Variants in TRIM44 observed in about 807,000 individuals in gnomAD.
The protein encoded by TRIM44 is tripartite motif-containing protein 44.
TRIM44 carries 13 observed loss-of-function variants against 37.4 expected under a neutral mutation model. The observed-to-expected ratio is 0.35, with a 90% confidence interval of 0.23 to 0.55. The LOEUF is 0.55. Among genes scored for constraint, TRIM44 ranks in the 20% least tolerant of loss-of-function variants. The pLI is 0.89. For missense variants in TRIM44, 426 were observed against 437.2 expected (o/e 0.97, Z 0.23); for synonymous variants, 175 against 157.2 (o/e 1.11, Z -0.85).
chr11:35,687,817 G>A (rs915840234), intron 2 of TRIM44, among the ~76,000 whole-genome samples: 12 of 152,200 alleles, frequency 7.9e-5, no homozygotes, highest in African/African-American at 2.9e-4. Flanking sequence ...TTGGGTGTGT[G>A]TGTATACCTG....
chr11:35,681,942 A>C (rs1409508153), intron 1 of TRIM44, among the ~76,000 whole-genome samples: 1 of 140,606 alleles, frequency 7.1e-6, no homozygotes. Context: ...CCCCTGACCT[A>C]TGTCCCATAC....
rs1481476424 is a variant in TRIM44, at chr11:35,774,662, A to T, written c.1008-31696A>T. 2.6e-5 allele frequency among the ~76,000 whole-genome samples: 4 copies of T among 152,172 alleles called. No homozygotes were observed. The East Asian group carries it at 7.7e-4, about 29-fold the overall frequency. ...TTTTTGTATAAGGTGTAAGGAAGGG[A>T]TCCAGCTTCAGCTTCCTACATATGG... On this transcript the variant is annotated intron_variant, in intron 4 of 4. Transcript: ENST00000299413.
At chr11:35,779,032 C>T (rs1049822857) in intron 4 of TRIM44, among the ~76,000 whole-genome samples, 1 of 152,230 alleles carries the variant, frequency 6.6e-6, no homozygotes, top group African/African-American at 2.4e-5. Context: ...CAGCTATGCC[C>T]TGCCCCCAGA....
chr11:35,672,111 TG>T (rs1564940402), intron 1 of TRIM44, among the ~76,000 whole-genome samples: 1 of 152,238 alleles, frequency 6.6e-6, no homozygotes, highest in Non-Finnish European at 1.5e-5. Context: ...TGAATTTTTA[TG>T]TTGAACAATA....
chr11:35,740,995 G>A (rs1852390185), intron 4 of TRIM44, among the ~76,000 whole-genome samples: 1 of 151,940 alleles, frequency 6.6e-6, no homozygotes, highest in Non-Finnish European at 1.5e-5. Flanking sequence ...TTTCTATTTA[G>A]GTTGTAGAGA....
intron 4 of TRIM44, among the ~76,000 whole-genome samples, chr11:35,768,767 A>T (rs1490518204): frequency 6.6e-6 from 1 of 152,192 alleles, no homozygotes; most frequent in Non-Finnish European, 1.5e-5. Context: ...GCTTTTGGTT[A>T]GACAAAGTCT....
At chr11:35,759,320 G>T (rs932491164) in intron 4 of TRIM44, among the ~76,000 whole-genome samples, 1 of 152,116 alleles carries the variant, frequency 6.6e-6, no homozygotes, top group African/African-American at 2.4e-5. Flanking sequence ...CATTCGTCAC[G>T]TAGTTCACAT....
At chr11:35,734,762 T>G (rs1852308717) in intron 3 of TRIM44, among the ~76,000 whole-genome samples, 1 of 152,198 alleles carries the variant, frequency 6.6e-6, no homozygotes, top group Admixed American at 6.5e-5. Context: ...ACATTGTTTT[T>G]GAAAAGTGGG....
chr11:35,798,411 T>C lies in TRIM44; in HGVS notation c.1008-7947T>C, dbSNP rs147077305. 6.2e-3 allele frequency among the ~76,000 whole-genome samples: 937 copies of C among 152,342 alleles called. 6 individuals carry two copies. The highest frequency in any genetic ancestry group is 9.3e-3 in the Admixed American group (142 of 15,304). ...TTTGGGGTCCCGAGATTTATTTTCC[T>C]TTCATAGTTCATTGGCAACAAATAT... is the stretch of plus-strand genomic sequence containing the variant. On this transcript the variant is annotated intron_variant, in intron 4 of 4. Transcript: ENST00000299413.
At chr11:35,721,169 G>T (rs1435338072) in intron 2 of TRIM44, among the ~76,000 whole-genome samples, 1 of 152,076 alleles carries the variant, frequency 6.6e-6, no homozygotes, top group Non-Finnish European at 1.5e-5. Context: ...CTCCCAAAGT[G>T]CCGGTATTAC....
In TRIM44 at chr11:35,783,960, G is replaced by A. The variant is rs556452029; in HGVS notation, c.1008-22398G>A. Among the ~76,000 whole-genome samples the A allele has an allele frequency of 4.2e-4, 64 of 152,290 alleles. 1 individual carries two copies. Among genetic ancestry groups the A allele is most frequent in the South Asian group, 3.9e-3 (19 of 4,812 alleles). Reference sequence around the variant, plus strand: ...CCAGCAAAGGTTGCAGATGTACTTGGTGGCAGCAGTCACCCCATCTATCAG... The same window carrying A: ...CCAGCAAAGGTTGCAGATGTACTTGATGGCAGCAGTCACCCCATCTATCAG... On this transcript the variant is annotated intron_variant, in intron 4 of 4. Transcript: ENST00000299413.
intron 1 of TRIM44, among the ~76,000 whole-genome samples, chr11:35,674,397 C>T (rs1011183822): frequency 6.6e-6 from 1 of 152,100 alleles, no homozygotes; most frequent in Non-Finnish European, 1.5e-5. Context: ...CCAAAACCAA[C>T]CAATCAAACA....
Position 35,760,261 on chromosome 11 carries a change from C to T in TRIM44, c.1007+24816C>T, listed in dbSNP as rs182119971. Among the ~76,000 whole-genome samples the T allele has an allele frequency of 2.3e-3, 355 of 152,300 alleles. 1 individual carries two copies. Among genetic ancestry groups the T allele is most frequent in the Non-Finnish European group, 3.8e-3 (256 of 68,024 alleles). On this transcript the variant is annotated intron_variant, in intron 4 of 4. Coordinates refer to ENST00000299413, the MANE Select transcript of TRIM44 (RefSeq NM_017583.6). The stretch of plus-strand genomic sequence containing the variant: ...CTCAGACTGCTGTGCTAGCAATCAG[C>T]GAGGCTCCGTGGGCGTAGGACCCTC...
intron 2 of TRIM44, among the ~76,000 whole-genome samples, chr11:35,709,592 G>A (rs533961326): frequency 1.3e-5 from 2 of 152,182 alleles, no homozygotes; most frequent in East Asian, 1.9e-4. Context: ...CCCAGTTTCC[G>A]TCATGACTTC....
intron 4 of TRIM44, among the ~76,000 whole-genome samples, chr11:35,736,645 A>G (rs1779279056): frequency 6.6e-6 from 1 of 152,116 alleles, no homozygotes. Flanking sequence ...CTTGGAAACT[A>G]TAGTTTTTAA....
chr11:35,749,145 G>C (rs1047092637), intron 4 of TRIM44, among the ~76,000 whole-genome samples: 1 of 152,154 alleles, frequency 6.6e-6, no homozygotes, highest in African/African-American at 2.4e-5. Context: ...TAGAGCACCT[G>C]CTTCATTCTA....
chr11:35,681,598 T>C, intron 1 of TRIM44, among the ~76,000 whole-genome samples: 1 of 152,222 alleles, frequency 6.6e-6, no homozygotes, highest in East Asian at 1.9e-4. Context: ...CCTACTACTT[T>C]GCTAGTCATG....
intron 4 of TRIM44, among the ~76,000 whole-genome samples, chr11:35,779,048 A>G (rs1041185546): frequency 6.6e-6 from 1 of 152,152 alleles, no homozygotes; most frequent in African/African-American, 2.4e-5. Context: ...CCAGAGGTGG[A>G]GTCTACAGAG....
intron 2 of TRIM44, among the ~76,000 whole-genome samples, chr11:35,693,575 G>A (rs907633340): frequency 2.8e-4 from 42 of 152,110 alleles, no homozygotes; most frequent in Non-Finnish European, 4.3e-4. Flanking sequence ...TAGCATGAGC[G>A]ACTCCATTTT....
Sources: allele counts gnomAD v4.1 joint callset (sites outside exome capture counted in the v4.1 genomes callset), GRCh38; gene constraint gnomAD v4.1.1; transcripts MANE v1.5; gene names NCBI Gene and HGNC (gene_info 2026-07-23, HGNC 2026-07-21).